The following SIPA1L2 variants were observed in gnomAD, a reference collection of about 807,000 sequenced individuals.
The protein encoded by SIPA1L2 is signal-induced proliferation-associated 1-like protein 2.
A neutral mutation model predicts 163.9 loss-of-function variants in SIPA1L2; 56 were observed. The ratio of observed to expected loss-of-function variants is 0.34; its 90% CI spans 0.28 to 0.43. The LOEUF is 0.43. Among genes scored for constraint, SIPA1L2 ranks in the 20% least tolerant of loss-of-function variants. The probability of loss-of-function intolerance (pLI) is 1.00; values close to 1 mark genes in which losing one functional copy is unlikely to be tolerated. For synonymous variants in SIPA1L2, 877 were observed against 865.7 expected (o/e 1.01, Z -0.23); for missense variants, 1,974 against 2,193.5 (o/e 0.90, Z 2.00).
At chr1:232,528,078 TTATATA>T (rs67185229) in intron 2 of SIPA1L2, among the ~76,000 whole-genome samples, 15 of 96,124 alleles carry the variant, frequency 1.6e-4, no homozygotes, top group African/African-American at 3.9e-4. Context: ...TAAGCAAGTT[TTATATA>T]TATATATATA....
intron 20 of SIPA1L2, 75 bp from the exon 21 acceptor site, chr1:232,403,646 A>G: frequency 2.0e-6 from 3 of 1,502,692 alleles, no homozygotes; most frequent in Non-Finnish European, 2.7e-6. Context: ...GTGGAAATGC[A>G]ATAGCTAAAT....
At chr1:232,577,393 A>G (rs1660136104) in intron 1 of SIPA1L2, among the ~76,000 whole-genome samples, 1 of 152,232 alleles carries the variant, frequency 6.6e-6, no homozygotes, top group South Asian at 2.1e-4. Context: ...CAAGGAGATG[A>G]ATGTTGTTTC....
At chr1:232,580,434 T>C (rs1660315094) in intron 1 of SIPA1L2, among the ~76,000 whole-genome samples, 1 of 152,168 alleles carries the variant, frequency 6.6e-6, no homozygotes, top group African/African-American at 2.4e-5. Context: ...TCTAACCTCC[T>C]GGGAAAGCAG....
intron 22 of SIPA1L2, among the ~76,000 whole-genome samples, chr1:232,401,510 A>C (rs1184818430): frequency 1.3e-5 from 2 of 152,150 alleles, no homozygotes; most frequent in African/African-American, 4.8e-5. Flanking sequence ...AAAAGAAACA[A>C]TCAGAGAAAT....
intron 6 of SIPA1L2, among the ~76,000 whole-genome samples, chr1:232,481,240 G>A (rs954319614): frequency 2.6e-5 from 4 of 152,138 alleles, no homozygotes; most frequent in Non-Finnish European, 5.9e-5. Context: ...CGTGGCTCTG[G>A]ATGTGAGCAA....
chr1:232,439,584 G>A, intron 14 of SIPA1L2, 88 bp from the exon 15 acceptor site: 1 of 1,472,070 alleles, frequency 6.8e-7, no homozygotes, highest in Admixed American at 2.0e-5. Flanking sequence ...CAAGCCATGG[G>A]ATCGCACCCA....
At chr1:232,628,933 A>T (rs1454251329) in intron 1 of SIPA1L2, among the ~76,000 whole-genome samples, 3 of 128,508 alleles carry the variant, frequency 2.3e-5, no homozygotes, top group African/African-American at 8.0e-5. Context: ...GTTTTTTTTA[A>T]AAAAAAGCCA....
chr1:232,526,626 C>G (rs920016353), intron 2 of SIPA1L2, among the ~76,000 whole-genome samples: 9 of 152,322 alleles, frequency 5.9e-5, no homozygotes, highest in African/African-American at 1.7e-4. Context: ...TGGGCCCCTG[C>G]CGTAACCCAC....
At position 232,439,089 on chromosome 1, in the gene SIPA1L2, G is replaced by T; in HGVS notation, c.4031+19C>A. The T allele has an allele frequency of 6.3e-7, 1 of 1,580,100 alleles. No individual in the cohort carries two copies. On this transcript the variant is annotated intron_variant, in intron 15 of 22. Transcript: ENST00000674635. The stretch of plus-strand genomic sequence containing the variant: ...AGGTGGCACCAGCAGGTACTACTCT[G>T]CAGTGCTGTGGGGCTTACCTGGAAT...
At chr1:232,480,154 CGTGTGTGTGTGT>C (rs536840154) in intron 6 of SIPA1L2, among the ~76,000 whole-genome samples, 1,815 of 132,804 alleles carry the variant, frequency 0.014, 44 homozygotes, top group African/African-American at 0.05. Flanking sequence ...TGTGTGTGTG[CGTGTGTGTGTGT>C]GTGTGTGTGT....
intron 3 of SIPA1L2, among the ~76,000 whole-genome samples, chr1:232,493,873 T>A (rs945544475): frequency 1.2e-4 from 19 of 152,208 alleles, no homozygotes; most frequent in African/African-American, 4.1e-4. Context: ...TCATTCTGCT[T>A]TTCACTAGTT....
At chr1:232,509,077 G>A (rs1233673789) in intron 3 of SIPA1L2, among the ~76,000 whole-genome samples, 1 of 152,246 alleles carries the variant, frequency 6.6e-6, no homozygotes, top group African/African-American at 2.4e-5. Context: ...GGGCAACAGA[G>A]CGAGACTCTG....
At chr1:232,446,469 T>C (rs984189534) in intron 10 of SIPA1L2, among the ~76,000 whole-genome samples, 2 of 152,232 alleles carry the variant, frequency 1.3e-5, no homozygotes, top group Non-Finnish European at 2.9e-5. Flanking sequence ...CATCAAAATG[T>C]ATGCTTTGTA....
chr1:232,535,173 G>A (rs1657224182), intron 2 of SIPA1L2, among the ~76,000 whole-genome samples: 1 of 152,156 alleles, frequency 6.6e-6, no homozygotes, highest in Admixed American at 6.5e-5. Context: ...ATAAACGGCT[G>A]AAACATCAAG....
chr1:232,545,359 CA>C (rs1657970338), intron 2 of SIPA1L2, among the ~76,000 whole-genome samples: 1 of 152,186 alleles, frequency 6.6e-6, no homozygotes, highest in Admixed American at 6.5e-5. Flanking sequence ...ACTTTGAATT[CA>C]AGCACTTGAC....
At chr1:232,433,732 T>A (rs1553282667) in intron 15 of SIPA1L2, among the ~76,000 whole-genome samples, 1 of 152,202 alleles carries the variant, frequency 6.6e-6, no homozygotes, top group Non-Finnish European at 1.5e-5. Context: ...AAAAGTTACT[T>A]TATAAATATG....
intron 1 of SIPA1L2, among the ~76,000 whole-genome samples, chr1:232,624,587 C>T (rs1662981639): frequency 6.6e-6 from 1 of 152,202 alleles, no homozygotes; most frequent in African/African-American, 2.4e-5. Context: ...TTAACACTGG[C>T]TCTTTACCTA....
At chr1:232,621,832 G>A (rs1662827682) in intron 1 of SIPA1L2, among the ~76,000 whole-genome samples, 1 of 151,880 alleles carries the variant, frequency 6.6e-6, no homozygotes, top group African/African-American at 2.4e-5. Context: ...TGGGCTCAAG[G>A]GATCGGCCCT....
intron 2 of SIPA1L2, among the ~76,000 whole-genome samples, chr1:232,552,334 G>T (rs1396231139): frequency 6.6e-6 from 1 of 152,000 alleles, no homozygotes; most frequent in African/African-American, 2.4e-5. Flanking sequence ...CAGGAGATTG[G>T]TAGCTCTCAC....
Sources: allele counts gnomAD v4.1 joint callset (sites outside exome capture counted in the v4.1 genomes callset), GRCh38; gene constraint gnomAD v4.1.1; transcripts MANE v1.5; gene names NCBI Gene and HGNC (gene_info 2026-07-23, HGNC 2026-07-21).